The following ZMAT4 variants were observed in gnomAD, a reference collection of about 807,000 sequenced individuals.
ZMAT4 encodes the protein zinc finger matrin-type protein 4.
A neutral mutation model predicts 28.7 loss-of-function variants in ZMAT4; 17 were observed. That is an observed-to-expected ratio of 0.59 (90% CI 0.41 to 0.89). The LOEUF (loss-of-function observed/expected upper bound fraction) is 0.89, where lower values mean the gene tolerates loss of function less well. Ranked by LOEUF, ZMAT4 falls within the 40% of genes least tolerant of loss-of-function variation. The pLI, the probability that ZMAT4 is intolerant of heterozygous loss-of-function variation, is 0.00. For synonymous variants in ZMAT4, 117 were observed against 109.2 expected, an observed-to-expected ratio of 1.07 and a Z score of -0.44; for missense variants, 240 against 283.8, an observed-to-expected ratio of 0.85 and a Z score of 1.11.
chr8:40,772,047 G>A (rs2150565073), intron 2 of ZMAT4, among the ~76,000 whole-genome samples: 1 of 152,180 alleles, frequency 6.6e-6, no homozygotes, highest in Admixed American at 6.5e-5. Context: ...TTACATTAAG[G>A]GAAAAGACAT....
chr8:40,846,634 G>A (rs912414026), intron 1 of ZMAT4, among the ~76,000 whole-genome samples: 1 of 152,192 alleles, frequency 6.6e-6, no homozygotes, highest in Non-Finnish European at 1.5e-5. Flanking sequence ...CCCGTTTCCA[G>A]GAGCATCCTG....
intron 1 of ZMAT4, among the ~76,000 whole-genome samples, chr8:40,835,009 C>T (rs1205079594): frequency 1.3e-5 from 2 of 152,158 alleles, no homozygotes; most frequent in Admixed American, 6.5e-5. Flanking sequence ...CATGATGGAG[C>T]GCAGATGTCA....
chr8:40,776,293 C>T lies in ZMAT4; in HGVS notation c.103-8563G>A, dbSNP rs549267462. On this transcript the variant is annotated intron_variant, in intron 2 of 6. Coordinates refer to ENST00000297737, the MANE Select transcript of ZMAT4 (RefSeq NM_024645.3). ...AGCATTTAAAGTGAGGAACACTTAC[C>T]ATAAAAAGTATTAGGAAAAAGCAAA... 3.9e-5 allele frequency among the ~76,000 whole-genome samples: 6 copies of T among 152,230 alleles called. No homozygotes were observed. In the South Asian group the frequency reaches 1.2e-3, roughly 32 times the overall value.
At chr8:40,708,778 T>C (rs1810477939) in intron 3 of ZMAT4, among the ~76,000 whole-genome samples, 1 of 150,344 alleles carries the variant, frequency 6.7e-6, no homozygotes, top group African/African-American at 2.5e-5. Context: ...GCCTCCCGAG[T>C]AGCCGGAATC....
chr8:40,581,298 G>T, intron 5 of ZMAT4, 37 bp from the exon 6 acceptor site: 1 of 1,558,658 alleles, frequency 6.4e-7, no homozygotes, highest in Non-Finnish European at 8.8e-7. Context: ...GCTGCATCCA[G>T]TCGTCAACCA....
At chr8:40,890,055 A>T (rs1226596266) in intron 1 of ZMAT4, among the ~76,000 whole-genome samples, 1 of 152,188 alleles carries the variant, frequency 6.6e-6, no homozygotes, top group Non-Finnish European at 1.5e-5. Flanking sequence ...ACTTGTTTTA[A>T]TTTCACATTT....
chr8:40,704,977 G>A (rs1180742882), intron 3 of ZMAT4, among the ~76,000 whole-genome samples: 4 of 152,188 alleles, frequency 2.6e-5, no homozygotes, highest in Non-Finnish European at 4.4e-5. Context: ...GTGTCTACAG[G>A]AAGGATGGCA....
At chr8:40,787,362 T>A (rs572810775) in intron 2 of ZMAT4, among the ~76,000 whole-genome samples, 1 of 152,210 alleles carries the variant, frequency 6.6e-6, no homozygotes, top group African/African-American at 2.4e-5. Context: ...ATCAATAAAT[T>A]TAATGCCTTT....
chr8:40,741,962 G>A (rs34130892), intron 3 of ZMAT4, among the ~76,000 whole-genome samples: 9,906 of 152,188 alleles, frequency 0.065, 396 homozygotes, highest in Middle Eastern at 0.092. Flanking sequence ...AGAATACCCA[G>A]GTATGATGGC....
intron 6 of ZMAT4, among the ~76,000 whole-genome samples, chr8:40,580,799 T>A (rs1346570131): frequency 1.3e-5 from 2 of 152,150 alleles, no homozygotes; most frequent in East Asian, 1.9e-4. Flanking sequence ...ATCAACAATA[T>A]TCATCCAGAA....
chr8:40,806,459 C>A (rs1815088017), intron 2 of ZMAT4, among the ~76,000 whole-genome samples: 1 of 152,118 alleles, frequency 6.6e-6, no homozygotes, highest in South Asian at 2.1e-4. Context: ...CTTTGGGCAG[C>A]CTTCATTCTC....
At chr8:40,784,539 C>T (rs1444057173) in intron 2 of ZMAT4, among the ~76,000 whole-genome samples, 2 of 151,992 alleles carry the variant, frequency 1.3e-5, no homozygotes, top group African/African-American at 4.8e-5. Flanking sequence ...CTACTGCTGC[C>T]GAATATAGCA....
chr8:40,849,979 T>A (rs1817043535), intron 1 of ZMAT4, among the ~76,000 whole-genome samples: 1 of 152,066 alleles, frequency 6.6e-6, no homozygotes, highest in Non-Finnish European at 1.5e-5. Context: ...TCGCTCCTCA[T>A]CCACTCCCTT....
chr8:40,580,737 A>G (rs970272806), intron 6 of ZMAT4, among the ~76,000 whole-genome samples: 6 of 152,312 alleles, frequency 3.9e-5, no homozygotes, highest in African/African-American at 7.2e-5. Flanking sequence ...GTGAATAGTC[A>G]TTGTATATAA....
chr8:40,802,422 A>G (rs1231646480), intron 2 of ZMAT4, among the ~76,000 whole-genome samples: 1 of 152,168 alleles, frequency 6.6e-6, no homozygotes, highest in Admixed American at 6.5e-5. Flanking sequence ...TTATTTTTCT[A>G]TAACCAACAG....
At chr8:40,800,079 T>A (rs1814772494) in intron 2 of ZMAT4, among the ~76,000 whole-genome samples, 1 of 152,178 alleles carries the variant, frequency 6.6e-6, no homozygotes, top group South Asian at 2.1e-4. Flanking sequence ...CTAACTACAG[T>A]CATTTGCTGC....
intron 3 of ZMAT4, among the ~76,000 whole-genome samples, chr8:40,705,397 C>T (rs1217204916): frequency 6.6e-6 from 1 of 152,106 alleles, no homozygotes; most frequent in Non-Finnish European, 1.5e-5. Flanking sequence ...GCACTTATTT[C>T]ACAGTCTAGA....
chr8:40,820,334 ATGTG>A (rs1255770049), intron 2 of ZMAT4, among the ~76,000 whole-genome samples: 1 of 146,298 alleles, frequency 6.8e-6, no homozygotes, highest in Non-Finnish European at 1.5e-5. Context: ...GTATATGTGT[ATGTG>A]TGTGTTTATG....
intron 5 of ZMAT4, among the ~76,000 whole-genome samples, chr8:40,656,253 A>G (rs569035498): frequency 1.3e-5 from 2 of 152,274 alleles, no homozygotes; most frequent in African/African-American, 4.8e-5. Context: ...GTGACTTACT[A>G]TGTCATATTC....
Sources: gnomAD v4.1 joint callset for allele counts (sites outside exome capture counted in the v4.1 genomes callset) on GRCh38, gnomAD v4.1.1 for gene constraint, MANE v1.5 for transcripts, NCBI Gene and HGNC (gene_info 2026-07-23, HGNC 2026-07-21) for gene names.